The following SLC22A25 variants were observed in gnomAD, a reference collection of about 807,000 sequenced individuals.
SLC22A25 encodes the protein MGI:2442751, MGI:2385316, MGI:3042283, MGI:3645714, MGI:3605624, MGI:2442750.
Under a neutral mutation model 45.9 loss-of-function variants are expected in SLC22A25, and 44 were observed. The ratio of observed to expected loss-of-function variants is 0.96; its 90% CI spans 0.75 to 1.23. SLC22A25 has a LOEUF of 1.23. Among genes scored for constraint, SLC22A25 ranks in the 50% most tolerant of loss-of-function variants. The probability of loss-of-function intolerance (pLI) is 0.00; values close to 1 mark genes in which losing one functional copy is unlikely to be tolerated. For missense variants in SLC22A25, 800 were observed against 666.4 expected, an observed-to-expected ratio of 1.20 and a Z score of -2.21; for synonymous variants, 283 against 238.6, an observed-to-expected ratio of 1.19 and a Z score of -1.72.
At chr11:63,237,561 T>C (rs1022424547) in intron 3 of SLC22A25, among the ~76,000 whole-genome samples, 6 of 152,230 alleles carry the variant, frequency 3.9e-5, no homozygotes, top group African/African-American at 1.4e-4. Context: ...AATAAACTTC[T>C]ATTGTGAATA....
At chr11:63,183,567 T>C in intron 8 of SLC22A25, 127 bp downstream of exon 8, 1 of 1,185,730 alleles carries the variant, frequency 8.4e-7, no homozygotes, top group South Asian at 1.4e-5. Context: ...TTGAGAATGA[T>C]CGTGAGGTGA....
chr11:63,176,183 G>T (rs2088082514), intron 9 of SLC22A25, among the ~76,000 whole-genome samples: 1 of 151,900 alleles, frequency 6.6e-6, no homozygotes, highest in African/African-American at 2.4e-5. Flanking sequence ...TCTTTCTCAA[G>T]GTAGTTTTAT....
rs148204225 is a variant in SLC22A25, at chr11:63,189,282, C to A, written c.831-5465G>T. The stretch of plus-strand genomic sequence containing the variant: ...AGTTAGCTCTTCTTGTTGAATTGAC[C>A]CCTTTACCATTATGTAATGGCCTTC... On this transcript the variant is annotated intron_variant, in intron 7 of 11. Coordinates refer to ENST00000306494, the MANE Select transcript of SLC22A25 (RefSeq NM_199352.6). 8.9e-3 allele frequency among the ~76,000 whole-genome samples: 1,357 copies of A among 152,200 alleles called. 12 individuals are homozygous for A. The highest frequency in any genetic ancestry group is 0.027 in the Middle Eastern group (8 of 294).
intron 7 of SLC22A25, among the ~76,000 whole-genome samples, chr11:63,199,286 T>C (rs1159854943): frequency 2.0e-5 from 3 of 152,010 alleles, no homozygotes; most frequent in Non-Finnish European, 2.9e-5. Context: ...TCTATGCACA[T>C]AAACTAGAAA....
chr11:63,241,906 C>A (rs893101363), intron 1 of SLC22A25, among the ~76,000 whole-genome samples: 1 of 152,108 alleles, frequency 6.6e-6, no homozygotes, highest in African/African-American at 2.4e-5. Context: ...GTAGCCCAGA[C>A]AAAAAGCTCT....
intron 7 of SLC22A25, among the ~76,000 whole-genome samples, chr11:63,186,641 T>A (rs1420732513): frequency 0.021 from 3,170 of 151,300 alleles, 112 homozygotes; most frequent in African/African-American, 0.073. Context: ...CTGAATGGTA[T>A]CGCCTAGGTT....
Position 63,217,696 on chromosome 11 carries a change from C to T in SLC22A25, c.546G>A (p.Gln182=), listed in dbSNP as rs772389873. The change falls in exon 6 of 12, where the codon CAG becomes CAA. Residue 182 remains glutamine (Q), a synonymous_variant. Coordinates refer to ENST00000306494, the MANE Select transcript of SLC22A25 (RefSeq NM_199352.6). Reference sequence around the variant, plus strand: ...CCGCACAGGTGCCTACAATGGCGAGCTGGAGGTAAGACCATCTGAGCACGA... The same window carrying T: ...CCGCACAGGTGCCTACAATGGCGAGTTGGAGGTAAGACCATCTGAGCACGA... ...RKFVLRWSYL[Q]LAIVGTCAAF... is the part of the protein sequence containing the mutation. 2.7e-5 allele frequency: 44 copies of T among 1,613,640 alleles called. No individual in the cohort carries two copies. Among genetic ancestry groups the T allele is most frequent in the Middle Eastern group, 3.3e-4 (2 of 6,062 alleles).
rs563294952 is a variant in SLC22A25 at position 63,160,442 on chromosome 11, G to C, written c.*3382C>G. Among the ~76,000 whole-genome samples, 3 of 152,310 alleles carry C rather than the reference G, an allele frequency of 2.0e-5. No individual in the cohort carries two copies. Among genetic ancestry groups the C allele is most frequent in the African/African-American group, 7.2e-5 (3 of 41,574 alleles). On this transcript the variant is annotated 3_prime_UTR_variant, in exon 12 of 12. Transcript: ENST00000306494. Reference sequence around the variant, plus strand: ...TACAGGTGCAAAGAAGTCAAGAATTGAGGTTTGGGAACCTCCACCTAGATT... The same window carrying C: ...TACAGGTGCAAAGAAGTCAAGAATTCAGGTTTGGGAACCTCCACCTAGATT...
At chr11:63,206,526 C>T (rs1429536419) in intron 7 of SLC22A25, among the ~76,000 whole-genome samples, 3 of 152,212 alleles carry the variant, frequency 2.0e-5, no homozygotes, top group Non-Finnish European at 4.4e-5. Flanking sequence ...TGAGTGAACT[C>T]TCATTCACAG....
intron 5 of SLC22A25, chr11:63,218,120 A>G (rs754918723): frequency 4.3e-6 from 2 of 464,006 alleles, no homozygotes; most frequent in South Asian, 3.1e-5. Flanking sequence ...AAAGGCATGG[A>G]ATAACCTCAA....
intron 7 of SLC22A25, among the ~76,000 whole-genome samples, chr11:63,184,981 G>A (rs1360741039): frequency 3.9e-5 from 6 of 152,038 alleles, no homozygotes; most frequent in Non-Finnish European, 8.8e-5. Context: ...CTGAGCTACA[G>A]GAGTACACTG....
At position 63,162,584 on chromosome 11, in the gene SLC22A25, CAATT is replaced by C. The variant is rs1228717705; in HGVS notation, c.*1236_*1239del. On this transcript the variant is annotated 3_prime_UTR_variant, in exon 12 of 12. Transcript: ENST00000306494. ...ATTTTTTACATTGTAATTATTTAAG[CAATT>C]ACTCTATTAAATAATTAAGGAAGAA... Among the ~76,000 whole-genome samples the C allele has an allele frequency of 6.6e-6, 1 of 151,958 alleles. No homozygotes were observed. Among genetic ancestry groups the C allele is most frequent in the Non-Finnish European group, 1.5e-5 (1 of 67,992 alleles).
At chr11:63,230,301 G>C (rs2090043059) in intron 3 of SLC22A25, among the ~76,000 whole-genome samples, 1 of 152,220 alleles carries the variant, frequency 6.6e-6, no homozygotes, top group Non-Finnish European at 1.5e-5. Context: ...AGTGGGTAGT[G>C]ATAAGAACCA....
intron 9 of SLC22A25, among the ~76,000 whole-genome samples, chr11:63,174,472 A>G (rs2134721790): frequency 6.6e-6 from 1 of 152,164 alleles, no homozygotes; most frequent in Middle Eastern, 3.4e-3. Flanking sequence ...CTTCCTAGTT[A>G]TGGTTTGGAC....
In SLC22A25 at chr11:63,229,470, G is replaced by C. The variant is rs377045269; in HGVS notation, c.183C>G (p.Asp61Glu). ...VHILDNDTIP[D>E]NDPGTLSQDA... ...CCTGGCTGAGGGTCCCAGGGTCATTGTCAGGGATAGTGTCATTGTCCAGTA... is the reference window on the plus strand; with the variant it reads ...CCTGGCTGAGGGTCCCAGGGTCATTCTCAGGGATAGTGTCATTGTCCAGTA... The change falls in exon 4 of 12, where the codon GAC (aspartate) becomes GAG (glutamate). Residue 61 changes from aspartate (D) to glutamate (E), a missense_variant. Physicochemically the swap from Asp to Glu is conservative, Grantham distance 45. Transcript: ENST00000306494. 9.9e-6 allele frequency: 16 copies of C among 1,614,032 alleles called. No individual in the cohort carries two copies. Among genetic ancestry groups the C allele is most frequent in the Non-Finnish European group, 1.3e-5 (15 of 1,179,982 alleles).
chr11:63,191,306 A>G (rs2088805334), intron 7 of SLC22A25, among the ~76,000 whole-genome samples: 1 of 152,208 alleles, frequency 6.6e-6, no homozygotes, highest in South Asian at 2.1e-4. Flanking sequence ...CTGCTGTGCT[A>G]GCAATGAGTG....
chr11:63,241,253 C>A (rs2090243256), intron 1 of SLC22A25, among the ~76,000 whole-genome samples: 1 of 152,170 alleles, frequency 6.6e-6, no homozygotes, highest in African/African-American at 2.4e-5. Context: ...AGATGTGAAC[C>A]TGGAATGGCC....
intron 7 of SLC22A25, among the ~76,000 whole-genome samples, chr11:63,186,117 A>T (rs1198821172): frequency 6.8e-6 from 1 of 146,834 alleles, no homozygotes; most frequent in Admixed American, 6.8e-5. Context: ...AGGAATTGCC[A>T]CACTGACTTC....
intron 9 of SLC22A25, among the ~76,000 whole-genome samples, chr11:63,178,476 A>T (rs1382642506): frequency 1.4e-5 from 2 of 147,726 alleles, no homozygotes; most frequent in Admixed American, 6.8e-5. Flanking sequence ...CTTCCCCAGC[A>T]TTTTTTTTTT....
Sources: allele counts gnomAD v4.1 joint callset (sites outside exome capture counted in the v4.1 genomes callset), GRCh38; gene constraint gnomAD v4.1.1; transcripts MANE v1.5; gene names NCBI Gene and HGNC (gene_info 2026-07-23, HGNC 2026-07-21).